The following C4orf50 variants were observed in gnomAD, a reference collection of about 807,000 sequenced individuals.
C4orf50 encodes the protein chromosome 4 open reading frame 50, also known as uncharacterized protein C4orf50.
C4orf50 carries 80 observed loss-of-function variants against 77.2 expected under a neutral mutation model. That is an observed-to-expected ratio of 1.04 (90% confidence interval 0.87 to 1.25). C4orf50 has a LOEUF of 1.25. Among genes scored for constraint, C4orf50 ranks in the 50% most tolerant of loss-of-function variants. The pLI, the probability that C4orf50 is intolerant of heterozygous loss-of-function variation, is 0.00. For missense variants in C4orf50, 1,257 were observed against 1,152.9 expected (o/e 1.09, Z -1.31); for synonymous variants, 532 against 465.3 (o/e 1.14, Z -1.84).
At chr4:5,898,771 G>T (rs746172941) in intron 7 of C4orf50, 1 of 151,994 alleles carries the variant, frequency 6.6e-6, no homozygotes, top group Non-Finnish European at 1.5e-5. Flanking sequence ...CTCCTCCCTT[G>T]TTCTATCATC....
rs114112017 is a variant in C4orf50, at chr4:5,973,728, C to G, written c.4035G>C (p.Ala1345=). ...GTGCCACGTCGTTGAGCATGTTCTG[C>G]GCCAGCTCGGAGAGCAGGAGGTTCC... Residue 1345 remains alanine, a synonymous_variant, in exon 31 of 34, where the codon GCG becomes GCC. Transcript: ENST00000531445. 6 of 1,613,870 alleles carry G rather than the reference C, an allele frequency of 3.7e-6. No individual in the cohort carries two copies. In the South Asian group the frequency reaches 6.6e-5, roughly 18 times the overall value.
At chr4:5,939,015 G>A (rs1210839436) in intron 7 of C4orf50, among the ~76,000 whole-genome samples, 1 of 152,104 alleles carries the variant, frequency 6.6e-6, no homozygotes, top group Non-Finnish European at 1.5e-5. Flanking sequence ...GCCAAGGCAG[G>A]GGGATCACCC....
chr4:5,971,439 T>C (rs1719906693), intron 31 of C4orf50, among the ~76,000 whole-genome samples: 1 of 152,104 alleles, frequency 6.6e-6, no homozygotes, highest in Non-Finnish European at 1.5e-5. Context: ...GGGACCACAC[T>C]GCAGCCAGCC....
rs1055649548 is a variant in C4orf50, at chr4:6,008,311, C to G, written c.648G>C (p.Ala216=). The G allele has an allele frequency of 6.4e-5, 25 of 388,652 alleles. No individual in the cohort carries two copies. Among genetic ancestry groups the G allele is most frequent in the Non-Finnish European group, 4.5e-5 (10 of 219,832 alleles). The allele number at this position is 388,652 out of a possible 1,614,324, so 24.1% of individuals were successfully genotyped here. The change falls in exon 25 of 34, where the codon GCG becomes GCC. Residue 216 remains alanine, a synonymous_variant. Transcript: ENST00000531445. The surrounding 1 kb of genome is among the most constrained non-coding windows in gnomAD (Gnocchi z 6.0). Reference sequence around the variant, plus strand: ...TGTCCCACTGGGCCAGCAGGAGGCCCGCGGCGCGGCAGAGGCGCCGCACGT... The same window carrying G: ...TGTCCCACTGGGCCAGCAGGAGGCCGGCGGCGCGGCAGAGGCGCCGCACGT...
At chr4:5,956,878 G>C (rs1718992572), downstream of C4orf50, 1 of 152,330 alleles carries the variant, frequency 6.6e-6, no homozygotes, top group African/African-American at 2.4e-5. Flanking sequence ...ACCAGCTCCT[G>C]TGTGCCAAGT....
chr4:5,925,970 G>C (rs1345744896), intron 7 of C4orf50, among the ~76,000 whole-genome samples: 1 of 152,226 alleles, frequency 6.6e-6, no homozygotes, highest in African/African-American at 2.4e-5. Flanking sequence ...ACTGTAGGCA[G>C]AGAGGGGTTC....
In C4orf50 at chr4:5,997,274, C is replaced by T. The variant is rs60769102; in HGVS notation, c.964-2798G>A. Among the ~76,000 whole-genome samples the T allele has an allele frequency of 9.8e-5, 15 of 152,302 alleles. No homozygotes were observed. In the East Asian group the frequency reaches 1.3e-3, roughly 14 times the overall value. ...ACTTCAATGCAATTCAAAAAATGCT[C>T]GCTGAGCATCTACTATGTGGCAGGC... On this transcript the variant is annotated intron_variant, in intron 25 of 33. Coordinates refer to ENST00000531445, the Ensembl canonical transcript of C4orf50.
Position 6,011,171 on chromosome 4 carries a change from G to T in C4orf50, c.426+659C>A, listed in dbSNP as rs1048221528. Among the ~76,000 whole-genome samples the T allele has an allele frequency of 1.3e-5, 2 of 152,124 alleles. No individual in the cohort carries two copies. The highest frequency in any genetic ancestry group is 4.8e-5 in the African/African-American group (2 of 41,414). On this transcript the variant is annotated intron_variant, in intron 24 of 33. Transcript: ENST00000531445. This position sits in a 1 kb window ranked among gnomAD's most constrained non-coding sequence, Gnocchi z 4.2. ...AATGGCATTCCCCAAATGACCATCT[G>T]ACCCTGAGGCTTCCCTACTTAAGTC...
exon 28 of C4orf50, chr4:5,988,774 T>C (rs1164059850): frequency 1.3e-6 from 2 of 1,536,000 alleles, no homozygotes; most frequent in East Asian, 4.9e-5. Context: ...GCGTAGAAGG[T>C]GCTCGTTCTC....
chr4:5,946,683 T>C (rs1718495304), intron 7 of C4orf50, among the ~76,000 whole-genome samples: 1 of 152,250 alleles, frequency 6.6e-6, no homozygotes, highest in South Asian at 2.1e-4. Flanking sequence ...TAGAAAAGTT[T>C]TAAACTGTTA....
At chr4:6,003,583 T>C (rs1721939586) in intron 25 of C4orf50, among the ~76,000 whole-genome samples, 1 of 139,386 alleles carries the variant, frequency 7.2e-6, no homozygotes, top group Admixed American at 7.4e-5. Flanking sequence ...GATGATGTGA[T>C]GGTGATGTTG....
chr4:5,924,988 G>A (rs1423010108), intron 7 of C4orf50, among the ~76,000 whole-genome samples: 1 of 152,060 alleles, frequency 6.6e-6, no homozygotes, highest in Non-Finnish European at 1.5e-5. Flanking sequence ...GGAATTCCCT[G>A]GCCAGGAAGG....
chr4:5,957,564 A>G (rs1719039401), exon 34 of C4orf50: 2 of 152,144 alleles, frequency 1.3e-5, no homozygotes, highest in Non-Finnish European at 2.9e-5. Context: ...AGGGGTGGTA[A>G]CGGGGCCACA....
rs565892082 is a variant in C4orf50 at position 6,010,400 on chromosome 4, C to G, written c.426+1430G>C. ...AATTGGAATCCTTATCTTTCCACTT[C>G]CACTTCTATTTCAGCTAATAGCTAT... On this transcript the variant is annotated intron_variant, in intron 24 of 33. Transcript: ENST00000531445. Among the ~76,000 whole-genome samples the G allele has an allele frequency of 8.5e-5, 13 of 152,310 alleles. No homozygotes were observed. The South Asian group carries it at 2.1e-3, about 24-fold the overall frequency.
At chr4:5,913,789 T>C (rs1716911531) in intron 7 of C4orf50, among the ~76,000 whole-genome samples, 1 of 152,204 alleles carries the variant, frequency 6.6e-6, no homozygotes, top group South Asian at 2.1e-4. Context: ...TCTCGCTGCA[T>C]TGTCTGCTTT....
At chr4:5,984,851 A>G (rs1040838712) in intron 28 of C4orf50, among the ~76,000 whole-genome samples, 3 of 86,106 alleles carry the variant, frequency 3.5e-5, no homozygotes, top group Middle Eastern at 6.6e-3. Flanking sequence ...TCAAGAAGCT[A>G]AAAAAAAAAA....
At chr4:5,946,126 C>T (rs1718471394) in intron 7 of C4orf50, among the ~76,000 whole-genome samples, 1 of 152,256 alleles carries the variant, frequency 6.6e-6, no homozygotes, top group African/African-American at 2.4e-5. Flanking sequence ...GCCCTCTGAA[C>T]CTAGGGTGGT....
Position 5,986,797 on chromosome 4 carries a change from AAAG to A in C4orf50, c.3699+1547_3699+1549del, listed in dbSNP as rs1287542085. Among the ~76,000 whole-genome samples, 5 of 152,180 alleles carry A rather than the reference AAAG, an allele frequency of 3.3e-5. No individual in the cohort carries two copies. The South Asian group carries it at 1.0e-3, about 32-fold the overall frequency. On this transcript the variant is annotated intron_variant, in intron 28 of 33. Transcript: ENST00000531445. ...CATGATCCGCCCTCCTTGGCCTCTC[AAAG>A]TGCTGGGATTACAGGCATGAGCCAC...
At chr4:5,936,793 T>C (rs1718045748) in intron 7 of C4orf50, among the ~76,000 whole-genome samples, 1 of 151,744 alleles carries the variant, frequency 6.6e-6, no homozygotes, top group Non-Finnish European at 1.5e-5. Flanking sequence ...CCAGGTAGGA[T>C]AGATAAAAAT....
Sources: allele counts gnomAD v4.1 joint callset (sites outside exome capture counted in the v4.1 genomes callset), GRCh38; gene constraint gnomAD v4.1.1; non-coding constraint Gnocchi (gnomAD v3.1); transcripts MANE v1.5; gene names NCBI Gene and HGNC (gene_info 2026-07-23, HGNC 2026-07-21).